The following HEXB variants were observed in gnomAD, a reference collection of about 807,000 sequenced individuals.
The protein encoded by HEXB is hexosaminidase subunit beta.
A neutral mutation model predicts 71.2 loss-of-function variants in HEXB; 51 were observed. The observed-to-expected ratio is 0.72, with a 90% CI of 0.57 to 0.90. The LOEUF (loss-of-function observed/expected upper bound fraction) is 0.90, where lower values mean the gene tolerates loss of function less well. Ranked by LOEUF, HEXB falls within the 40% of genes least tolerant of loss-of-function variation. HEXB has a pLI of 0.00. For synonymous variants in HEXB, 266 were observed against 249.3 expected (o/e 1.07, Z -0.63); for missense variants, 617 against 677.0 (o/e 0.91, Z 0.98).
intron 5 of HEXB, among the ~76,000 whole-genome samples, chr5:74,701,408 A>C (rs1016198936): frequency 6.6e-6 from 1 of 152,142 alleles, no homozygotes; most frequent in African/African-American, 2.4e-5. Flanking sequence ...TACTTTCCAA[A>C]TGGTTAGCCA....
chr5:74,688,783 C>A (rs1364080517), intron 1 of HEXB, among the ~76,000 whole-genome samples: 2 of 152,186 alleles, frequency 1.3e-5, no homozygotes, highest in Non-Finnish European at 2.9e-5. Context: ...ACTTATTTCA[C>A]ACATTAGGAT....
intron 1 of HEXB, among the ~76,000 whole-genome samples, chr5:74,685,990 G>A (rs1365151710): frequency 1.3e-5 from 2 of 151,830 alleles, no homozygotes; most frequent in Admixed American, 6.6e-5. Context: ...GGCCAGTTTC[G>A]CCCCCTCACC....
At chr5:74,712,637 A>G (rs1327538864) in intron 6 of HEXB, among the ~76,000 whole-genome samples, 1 of 152,166 alleles carries the variant, frequency 6.6e-6, no homozygotes, top group Non-Finnish European at 1.5e-5. Context: ...ATTGTTGTTG[A>G]AGAAACTGAG....
intron 9 of HEXB, among the ~76,000 whole-genome samples, chr5:74,717,883 G>A (rs1410177462): frequency 1.3e-5 from 2 of 152,054 alleles, no homozygotes; most frequent in Non-Finnish European, 2.9e-5. Context: ...AAATATTTGT[G>A]GATTGTCAGT....
chr5:74,721,246 G>GATAA lies in HEXB; in HGVS notation c.*74_*75insAATA. ...TTTATTTTGAAATCATGTAAAATAA[G>GATAA]ATATTAGACTGTTTTTTGAATAAAA... On this transcript the variant is annotated 3_prime_UTR_variant, in exon 14 of 14. Coordinates refer to ENST00000261416, the MANE Select transcript of HEXB (RefSeq NM_000521.4). The GATAA allele has an allele frequency of 8.4e-7, 1 of 1,187,524 alleles. No homozygotes were observed. Among genetic ancestry groups the GATAA allele is most frequent in the Admixed American group, 1.7e-5 (1 of 58,822 alleles). 73.6% of individuals were successfully genotyped at this position (1,187,524 alleles called of 1,614,324 possible). A position where few individuals can be genotyped will look rare whatever the true frequency, so the allele number is the denominator to read the frequency against.
chr5:74,670,736 C>T (rs919891006), intron 1 of HEXB, among the ~76,000 whole-genome samples: 34 of 152,304 alleles, frequency 2.2e-4, no homozygotes, highest in South Asian at 8.3e-4. Flanking sequence ...CCTGCCCGGG[C>T]GCCACTGCAT....
In HEXB at chr5:74,698,265, C is replaced by CG. The variant is rs1217567835; in HGVS notation, c.669+1163dup. Among the ~76,000 whole-genome samples the CG allele has an allele frequency of 8.6e-5, 13 of 150,968 alleles. No individual in the cohort carries two copies. The East Asian group carries it at 2.6e-3, about 30-fold the overall frequency. ...GCTAATTTTGCATTTTTAGTAGAGA[C>CG]GGGGTTTCTCCATGTTGAGGCTGGT... On this transcript the variant is annotated intron_variant, in intron 5 of 13. Coordinates refer to ENST00000261416, the MANE Select transcript of HEXB (RefSeq NM_000521.4).
chr5:74,681,667 A>G (rs1321241607), upstream of HEXB, among the ~76,000 whole-genome samples: 2 of 152,334 alleles, frequency 1.3e-5, no homozygotes, highest in Admixed American at 1.3e-4. Flanking sequence ...AAGAGATCTG[A>G]TAGTTTCACA....
intron 1 of HEXB, among the ~76,000 whole-genome samples, chr5:74,672,226 G>A (rs902528998): frequency 5.9e-5 from 9 of 152,230 alleles, no homozygotes; most frequent in African/African-American, 2.2e-4. Context: ...GCCCTTCAGG[G>A]AATGTACTCC....
chr5:74,696,916 T>C, intron 4 of HEXB, 80 bp from the exon 5 acceptor site: 1 of 813,566 alleles, frequency 1.2e-6, no homozygotes. Flanking sequence ...ATGAAATGCT[T>C]GTATAAATAG....
intron 1 of HEXB, among the ~76,000 whole-genome samples, chr5:74,665,934 T>G (rs1016683063): frequency 6.6e-6 from 1 of 152,216 alleles, no homozygotes; most frequent in Non-Finnish European, 1.5e-5. Context: ...CCTTGCATTT[T>G]AAATGCAATA....
chr5:74,658,675 G>A (rs1748264675), intron 1 of HEXB, among the ~76,000 whole-genome samples: 2 of 152,078 alleles, frequency 1.3e-5, no homozygotes, highest in Admixed American at 6.5e-5. Context: ...GGGTACCAGG[G>A]AAATAATGTG....
intron 3 of HEXB, among the ~76,000 whole-genome samples, chr5:74,695,016 C>G (rs1749080690): frequency 6.6e-6 from 1 of 151,646 alleles, no homozygotes. Context: ...AGAGTGTTAC[C>G]TAAAATAATC....
At chr5:74,696,780 A>G (rs201362815) in intron 4 of HEXB, 41 bp downstream of exon 4, 1 of 1,076,160 alleles carries the variant, frequency 9.3e-7, no homozygotes, top group South Asian at 1.3e-5. Context: ...TTGTTAGACA[A>G]ATTGCTAATA....
intron 1 of HEXB, among the ~76,000 whole-genome samples, chr5:74,660,130 G>C (rs951715307): frequency 6.6e-6 from 1 of 152,164 alleles, no homozygotes; most frequent in African/African-American, 2.4e-5. Context: ...GAGGACAGTG[G>C]GGTGCAGGGA....
At chr5:74,696,769 A>G (rs752247300) in intron 4 of HEXB, 30 bp downstream of exon 4, 18 of 1,183,058 alleles carry the variant, frequency 1.5e-5, no homozygotes, top group Non-Finnish European at 2.1e-5. Context: ...GTTACTAAAA[A>G]TTGTTAGACA....
At chr5:74,654,918 C>T (rs924466214) in intron 1 of HEXB, among the ~76,000 whole-genome samples, 5 of 152,128 alleles carry the variant, frequency 3.3e-5, no homozygotes, top group East Asian at 3.9e-4. Flanking sequence ...ACTGGGACAG[C>T]GGGGGAGTGG....
chr5:74,702,930 T>C (rs1301053855), intron 5 of HEXB, among the ~76,000 whole-genome samples: 4 of 152,192 alleles, frequency 2.6e-5, no homozygotes, highest in Non-Finnish European at 5.9e-5. Flanking sequence ...TATTCAGGAT[T>C]GTAATCTGTT....
exon 1 of HEXB, chr5:74,640,316 G>T (rs891306805): frequency 1.3e-5 from 2 of 152,638 alleles, no homozygotes; most frequent in African/African-American, 4.8e-5. Context: ...CAGCAGTGGC[G>T]ACTGGCCGCA....
Sources: allele counts gnomAD v4.1 joint callset (sites outside exome capture counted in the v4.1 genomes callset), GRCh38; gene constraint gnomAD v4.1.1; transcripts MANE v1.5; gene names NCBI Gene and HGNC (gene_info 2026-07-23, HGNC 2026-07-21).